ZNF782: variants seen among roughly 807,000 people sequenced by gnomAD.
ZNF782 encodes the protein zinc finger protein 782.
In ZNF782, 12 loss-of-function variants were observed where a neutral mutation model predicts 13.0. The ratio of observed to expected loss-of-function variants is 0.92; its 90% CI spans 0.59 to 1.50. The LOEUF is 1.50. ZNF782 is among the 40% of genes most tolerant of loss of function. The pLI, the probability that ZNF782 is intolerant of heterozygous loss-of-function variation, is 0.00. For missense variants in ZNF782, 770 were observed against 822.9 expected (o/e 0.94, Z 0.79); for synonymous variants, 284 against 283.0 (o/e 1.00, Z -0.04).
intron 1 of ZNF782, among the ~76,000 whole-genome samples, chr9:96,874,852 G>GC (rs1851873971): frequency 6.6e-6 from 1 of 152,194 alleles, no homozygotes; most frequent in South Asian, 2.1e-4. Context: ...CACAAACCTG[G>GC]CCCTCTGGAA....
chr9:96,913,513 C>T, the ZNF782 span, among the ~76,000 whole-genome samples: 18 of 146,084 alleles, frequency 1.2e-4, no homozygotes, highest in Admixed American at 4.8e-4. Flanking sequence ...AAACATTAAG[C>T]TTTTTTTTTT....
chr9:96,838,353 A>G (rs1851068573), intron 4 of ZNF782, among the ~76,000 whole-genome samples: 1 of 152,216 alleles, frequency 6.6e-6, no homozygotes, highest in South Asian at 2.1e-4. Context: ...CTATTGCTGT[A>G]GTCTAAAAAT....
the ZNF782 span, chr9:96,887,323 A>AAGGGAGGGAGGG: frequency 6.7e-6 from 1 of 148,648 alleles, no homozygotes; most frequent in African/African-American, 2.6e-5. Flanking sequence ...GGAAGGAAGG[A>AAGGGAGGGAGGG]AGGAAGGAAG....
At chr9:96,911,504 T>G in the ZNF782 span, among the ~76,000 whole-genome samples, 2 of 148,606 alleles carry the variant, frequency 1.3e-5, no homozygotes, top group East Asian at 4.3e-4. Flanking sequence ...TACAAGTTTT[T>G]TTTTTGTTTT....
At chr9:96,928,994 G>C in the ZNF782 span, 2 of 1,607,966 alleles carry the variant, frequency 1.2e-6, no homozygotes, top group Admixed American at 1.7e-5. Context: ...GAAGCTGCCA[G>C]ACAGTGGTGG....
At chr9:96,923,250 A>G in the ZNF782 span, among the ~76,000 whole-genome samples, 29 of 150,616 alleles carry the variant, frequency 1.9e-4, 4 homozygotes, top group East Asian at 5.7e-3. Flanking sequence ...ACACGCCACA[A>G]ATATGCAAAC....
At chr9:96,911,371 G>A in the ZNF782 span, among the ~76,000 whole-genome samples, 3,174 of 136,670 alleles carry the variant, frequency 0.023, 128 homozygotes, top group African/African-American at 0.084. Context: ...CCCGGGAGGC[G>A]GAGCTTGCAG....
intron 4 of ZNF782, among the ~76,000 whole-genome samples, chr9:96,830,330 C>CTG (rs59869241): frequency 0.21 from 31,995 of 152,002 alleles, 8,496 homozygotes; most frequent in African/African-American, 0.62. Context: ...AGAGGGCTGA[C>CTG]GGGGCTGAGA....
At chr9:96,874,547 A>G (rs1015106477) in intron 1 of ZNF782, among the ~76,000 whole-genome samples, 6 of 152,160 alleles carry the variant, frequency 3.9e-5, no homozygotes, top group African/African-American at 1.4e-4. Flanking sequence ...AAGCTGGTCC[A>G]GGCATTCCAC....
chr9:96,818,856 T>C lies in ZNF782; in HGVS notation c.1167A>G (p.Thr389=), dbSNP rs1161844718. ...SHLIWPQKSH[T]GEKPYECPEC... is the part of the protein sequence containing the mutation. ...CAGGACATTCATAGGGTTTCTCCCC[T>C]GTGTGACTTTTCTGAGGCCAAATCA... is the stretch of plus-strand genomic sequence containing the variant. The change falls in exon 6 of 6, where the codon ACA becomes ACG. Residue 389 remains threonine (T), a synonymous_variant. Transcript: ENST00000481138. 5 of 1,614,184 alleles carry C rather than the reference T, an allele frequency of 3.1e-6. No individual in the cohort carries two copies. The highest frequency in any genetic ancestry group is 4.2e-6 in the Non-Finnish European group (5 of 1,180,012).
intron 4 of ZNF782, 152 bp from the exon 5 acceptor site, chr9:96,827,333 T>C: frequency 1.9e-6 from 1 of 537,024 alleles, no homozygotes; most frequent in Non-Finnish European, 3.2e-6. Context: ...TTCTTTCTTT[T>C]CTTACTTTTT....
chr9:96,822,849 G>C (rs1187734693), intron 5 of ZNF782, among the ~76,000 whole-genome samples: 1 of 152,018 alleles, frequency 6.6e-6, no homozygotes, highest in Non-Finnish European at 1.5e-5. Context: ...TGTTTTTAAA[G>C]ATATATATTC....
chr9:96,927,636 G>C, the ZNF782 span, among the ~76,000 whole-genome samples: 232 of 152,256 alleles, frequency 1.5e-3, 1 homozygote, highest in African/African-American at 5.3e-3. Flanking sequence ...CAGATAAAGT[G>C]CAAGATCCCA....
chr9:96,875,549 T>G (rs774592945), exon 1 of ZNF782: 1 of 456,762 alleles, frequency 2.2e-6, no homozygotes, highest in Non-Finnish European at 4.4e-6. Context: ...CCACGAGTTC[T>G]GGCACTTTGG....
At chr9:96,856,251 C>T (rs1034384713), upstream of ZNF782, among the ~76,000 whole-genome samples, 2 of 152,102 alleles carry the variant, frequency 1.3e-5, no homozygotes, top group Non-Finnish European at 2.9e-5. Flanking sequence ...GTGTTGTTAC[C>T]TCAGAGGGTG....
At chr9:96,847,675 T>C (rs977647500) in intron 3 of ZNF782, among the ~76,000 whole-genome samples, 1 of 152,018 alleles carries the variant, frequency 6.6e-6, no homozygotes, top group Non-Finnish European at 1.5e-5. Context: ...ATTTAAAAAT[T>C]TGAAAATTGC....
At position 96,869,613 on chromosome 9, in the gene ZNF782, G is replaced by A. The variant is rs1397033012; in HGVS notation, c.-457+5855C>T. ...TCTACCGGAAATGATAACTTTTATG[G>A]GGCAAAGTAATATTTATGGTTTGTG... On this transcript the variant is annotated intron_variant, in intron 1 of 5. Coordinates refer to the ZNF782 transcript ENST00000498811. Among the ~76,000 whole-genome samples the A allele has an allele frequency of 3.9e-5, 6 of 152,216 alleles. No individual in the cohort carries two copies. The East Asian group carries it at 1.2e-3, about 29-fold the overall frequency.
At chr9:96,899,095 T>G in the ZNF782 span, among the ~76,000 whole-genome samples, 1 of 149,288 alleles carries the variant, frequency 6.7e-6, no homozygotes, top group Non-Finnish European at 1.5e-5. Flanking sequence ...CTCCTATAAG[T>G]CGAATCATAT....
In ZNF782 at chr9:96,817,910, T is replaced by C; in HGVS notation, c.*13A>G. 6.5e-7 allele frequency: 1 copy of C among 1,535,322 alleles called. No homozygotes were observed. Among genetic ancestry groups the C allele is most frequent in the Non-Finnish European group, 8.7e-7 (1 of 1,147,206 alleles). On this transcript the variant is annotated 3_prime_UTR_variant, in exon 6 of 6. Coordinates refer to ENST00000481138, the MANE Select transcript of ZNF782 (RefSeq NM_001001662.3). ...CAGCTCAGAGTTTTTTCGTATTCTTTATATGCATACATTTAATCCCCTGGG... is the reference window on the plus strand; with the variant it reads ...CAGCTCAGAGTTTTTTCGTATTCTTCATATGCATACATTTAATCCCCTGGG...
Sources: allele counts gnomAD v4.1 joint callset (sites outside exome capture counted in the v4.1 genomes callset), GRCh38; gene constraint gnomAD v4.1.1; transcripts MANE v1.5; gene names NCBI Gene and HGNC (gene_info 2026-07-23, HGNC 2026-07-21).